Variants in CC2D1A observed in about 807,000 individuals in gnomAD.
CC2D1A encodes the protein coiled-coil and C2 domain-containing protein 1A.
Under a neutral mutation model 123.8 loss-of-function variants are expected in CC2D1A, and 68 were observed. The observed-to-expected ratio is 0.55, with a 90% CI of 0.45 to 0.67. CC2D1A has a LOEUF of 0.67. Ranked by LOEUF, CC2D1A falls within the 30% of genes least tolerant of loss-of-function variation. The pLI is 0.00. For synonymous variants in CC2D1A, 477 were observed against 528.0 expected, an observed-to-expected ratio of 0.90 and a Z score of 1.32; for missense variants, 1,185 against 1,290.3, an observed-to-expected ratio of 0.92 and a Z score of 1.25.
At chr19:13,921,218 CAGA>C (rs1401859522) in intron 14 of CC2D1A, among the ~76,000 whole-genome samples, 1 of 152,208 alleles carries the variant, frequency 6.6e-6, no homozygotes, top group East Asian at 1.9e-4. Flanking sequence ...TGGATCCTGT[CAGA>C]AGGACTAGAG....
Position 13,930,458 on chromosome 19 carries a change from G to A in CC2D1A, c.*63G>A, listed in dbSNP as rs567778491. The A allele has an allele frequency of 1.6e-4, 246 of 1,506,384 alleles. 1 individual carries two copies. Among genetic ancestry groups the A allele is most frequent in the Non-Finnish European group, 1.9e-4 (216 of 1,122,528 alleles). 93.3% of individuals were successfully genotyped at this position (1,506,384 alleles called of 1,614,324 possible). A position where few individuals can be genotyped will look rare whatever the true frequency, so the allele number is the denominator to read the frequency against. ...GCAGGCCCCGATACCGGGAAGAGCC[G>A]ACACAGCCACGAACCAGACAAGCAG... On this transcript the variant is annotated 3_prime_UTR_variant, in exon 29 of 29. Coordinates refer to ENST00000318003, the MANE Select transcript of CC2D1A (RefSeq NM_017721.5). The surrounding 1 kb of genome is among the most constrained non-coding windows in gnomAD (Gnocchi z 6.8).
At chr19:13,908,212 G>C (rs1483230653) in intron 1 of CC2D1A, among the ~76,000 whole-genome samples, 3 of 152,082 alleles carry the variant, frequency 2.0e-5, no homozygotes, top group African/African-American at 7.2e-5. Context: ...CTCCCTGTTG[G>C]TCAGGCTGGT....
chr19:13,913,018 C>T, intron 4 of CC2D1A, 150 bp from the exon 5 acceptor site: 1 of 787,520 alleles, frequency 1.3e-6, no homozygotes, highest in Admixed American at 3.0e-5. Context: ...CCATTCCCTC[C>T]ACTGGGAAAT....
At chr19:13,912,222 G>A in intron 2 of CC2D1A, 101 bp from the exon 3 acceptor site, 1 of 1,296,684 alleles carries the variant, frequency 7.7e-7, no homozygotes, top group Non-Finnish European at 1.0e-6. Flanking sequence ...GATGAAATGG[G>A]GAAGTCAGCG....
chr19:13,908,364 T>G (rs895613226), intron 1 of CC2D1A, among the ~76,000 whole-genome samples: 1 of 152,140 alleles, frequency 6.6e-6, no homozygotes, highest in Admixed American at 6.6e-5. Flanking sequence ...CAGGCTAGTC[T>G]CGAACTGCTG....
In CC2D1A at chr19:13,919,233, G is replaced by A. The variant is rs775941033; in HGVS notation, c.1222+31G>A. 1.5e-5 allele frequency: 23 copies of A among 1,556,152 alleles called. No individual in the cohort carries two copies. The South Asian group carries it at 2.1e-4, about 14-fold the overall frequency. ...CCTTGCCCCTGTAGGCCTCGCCCCA[G>A]TAGGCCCCGCCCCCGTAGGCCCCGC... On this transcript the variant is annotated intron_variant, in intron 11 of 28. Transcript: ENST00000318003.
intron 1 of CC2D1A, among the ~76,000 whole-genome samples, chr19:13,907,955 T>C (rs775346822): frequency 1.3e-5 from 2 of 152,214 alleles, no homozygotes; most frequent in Admixed American, 1.3e-4. Flanking sequence ...TTAGCCAAGA[T>C]AGGAAGACGG....
chr19:13,919,272 G>T (rs932398351), intron 11 of CC2D1A, 70 bp downstream of exon 11: 77 of 1,219,278 alleles, frequency 6.3e-5, no homozygotes, highest in Admixed American at 2.8e-4. Context: ...CAGAGGCCCC[G>T]CCGCTGGCAG....
chr19:13,917,387 C>T (rs1030266664), intron 6 of CC2D1A, among the ~76,000 whole-genome samples: 5 of 152,070 alleles, frequency 3.3e-5, no homozygotes, highest in African/African-American at 2.4e-5. Flanking sequence ...ATGGGAGGAT[C>T]GCCTAAGCCC....
At chr19:13,920,982 TAGC>T in intron 14 of CC2D1A, 60 bp downstream of exon 14, 2 of 1,490,554 alleles carry the variant, frequency 1.3e-6, no homozygotes, top group South Asian at 2.7e-5. Flanking sequence ...TCCTGCCCCT[TAGC>T]AGCCACGTGA....
At chr19:13,912,470 T>G (rs1338140755) in intron 3 of CC2D1A, 32 bp downstream of exon 3, 1 of 1,613,960 alleles carries the variant, frequency 6.2e-7, no homozygotes, top group Non-Finnish European at 8.5e-7. Context: ...GGGGCTCTGA[T>G]CCGGTTGCCC....
In CC2D1A at chr19:13,929,388, G is replaced by A. The variant is rs2145379984; in HGVS notation, c.2529G>A (p.Arg843=). 6.2e-7 allele frequency: 1 copy of A among 1,613,522 alleles called. No homozygotes were observed. The highest frequency in any genetic ancestry group is 2.2e-5 in the East Asian group (1 of 44,802). ...PARESGNRSA[R]PLHSLSVLAF... is the part of the protein sequence containing the mutation. ...TTCCTCCACCCCTTAGATCAGCCCG[G>A]CCCCTGCATAGCCTCAGTGTGCTGG... The change falls in exon 25 of 29, where the codon CGG becomes CGA. Residue 843 remains arginine, a synonymous_variant. Transcript: ENST00000318003.
chr19:13,920,775 GGGCCGCAAGAAGCAGCTCCTGCA>G lies in CC2D1A; in HGVS notation c.1502_1524del (p.Lys501ThrfsTer70), dbSNP rs1568413816. 1 of 1,613,836 alleles carries G rather than the reference GGGCCGCAAGAAGCAGCTCCTGCA, an allele frequency of 6.2e-7. No homozygotes were observed. The highest frequency in any genetic ancestry group is 1.1e-5 in the South Asian group (1 of 91,066). ...CCCAGCAGCAGCTGGCCTTCCTAGA[GGGCCGCAAGAAGCAGCTCCTGCA>G]GGCCGCACTGCGAGCCAAGCAGAAA... On this transcript the variant is annotated frameshift_variant, in exon 14 of 29. Coordinates refer to ENST00000318003, the MANE Select transcript of CC2D1A (RefSeq NM_017721.5). LOFTEE classifies it high-confidence loss of function.
chr19:13,927,454 T>C (rs1418927112), intron 22 of CC2D1A, 189 bp downstream of exon 22: 2 of 596,130 alleles, frequency 3.4e-6, no homozygotes, highest in African/African-American at 1.9e-5. Flanking sequence ...GATCAACTGG[T>C]ATCTCAGCCA....
At chr19:13,925,974 G>GTATA (rs1482203010) in intron 17 of CC2D1A, among the ~76,000 whole-genome samples, 1 of 108,732 alleles carries the variant, frequency 9.2e-6, no homozygotes, top group African/African-American at 4.5e-5. Context: ...GTATATATAT[G>GTATA]TGTATATATA....
chr19:13,913,511 C>T lies in CC2D1A; in HGVS notation c.621C>T (p.Tyr207=), dbSNP rs1971087255. ...AAGGCCCGGCGTCCACGCCTACCTA[C>T]AGCCCTGCACCCACCCAGCCGGCCC... The part of the protein sequence containing the change: ...IGKGPASTPT[Y]SPAPTQPAPR... Residue 207 remains tyrosine (Y), a synonymous_variant, in exon 6 of 29, where the codon TAC becomes TAT. Transcript: ENST00000318003. The T allele has an allele frequency of 5.6e-6, 9 of 1,614,180 alleles. No homozygotes were observed. The highest frequency in any genetic ancestry group is 1.1e-5 in the South Asian group (1 of 91,090).
Position 13,929,419 on chromosome 19 carries a change from G to A in CC2D1A, c.2560G>A (p.Asp854Asn). The A allele has an allele frequency of 1.9e-6, 3 of 1,613,482 alleles. No homozygotes were observed. The highest frequency in any genetic ancestry group is 2.5e-6 in the Non-Finnish European group (3 of 1,179,982). ...PLHSLSVLAF[D>N]QERLERKILA... ...GCATAGCCTCAGTGTGCTGGCGTTT[G>A]ACCAAGAGCGTCTGGAGCGGAAGGT... is the stretch of plus-strand genomic sequence containing the variant. The change falls in exon 25 of 29, where the codon GAC becomes AAC. Residue 854 changes from aspartate (D) to asparagine (N), a missense_variant. Transcript: ENST00000318003.
At chr19:13,918,723 G>A in intron 8 of CC2D1A, 23 bp from the exon 9 acceptor site, 2 of 1,605,734 alleles carry the variant, frequency 1.2e-6, no homozygotes, top group Non-Finnish European at 1.7e-6. Flanking sequence ...GCCCCTCATT[G>A]GCCTGGACCT....
chr19:13,908,164 C>T (rs1425425798), intron 1 of CC2D1A, among the ~76,000 whole-genome samples: 2 of 151,928 alleles, frequency 1.3e-5, no homozygotes, highest in Non-Finnish European at 2.9e-5. Flanking sequence ...CGCCACCATG[C>T]CTGGTTAATT....
Sources: gnomAD v4.1 joint callset for allele counts (sites outside exome capture counted in the v4.1 genomes callset) on GRCh38, gnomAD v4.1.1 for gene constraint, Gnocchi (gnomAD v3.1) non-coding constraint, MANE v1.5 for transcripts, NCBI Gene and HGNC (gene_info 2026-07-23, HGNC 2026-07-21) for gene names.